The following WIF1 variants were observed in gnomAD, a reference collection of about 807,000 sequenced individuals.
WIF1 encodes Wnt inhibitory factor 1.
WIF1 carries 35 observed loss-of-function variants against 53.5 expected under a neutral mutation model. That is an observed-to-expected ratio of 0.65 (90% CI 0.50 to 0.87). The LOEUF (loss-of-function observed/expected upper bound fraction) is 0.87, where lower values mean the gene tolerates loss of function less well. WIF1 is among the 40% of genes least tolerant of loss of function. The pLI is 0.00. For missense variants in WIF1, 467 were observed against 476.8 expected (o/e 0.98, Z 0.19); for synonymous variants, 171 against 170.4 (o/e 1.00, Z -0.03).
chr12:65,076,715 G>A (rs1882866620), intron 3 of WIF1, among the ~76,000 whole-genome samples: 1 of 151,964 alleles, frequency 6.6e-6, no homozygotes, highest in African/African-American at 2.4e-5. Context: ...CCATCCATTA[G>A]TTTAAAAAAA....
Position 65,051,247 on chromosome 12 carries a change from A to C in WIF1, c.*102T>G. On this transcript the variant is annotated 3_prime_UTR_variant, in exon 10 of 10. Coordinates refer to ENST00000286574, the MANE Select transcript of WIF1 (RefSeq NM_007191.5). ...TAATGAAGCTAATAAAATTCAGGCC[A>C]GTATTCTTAAGTGTAATGAACATTA... The C allele has an allele frequency of 7.1e-7, 1 of 1,404,556 alleles. No homozygotes were observed. The allele number at this position is 1,404,556 out of a possible 1,614,324, so 87.0% of individuals were successfully genotyped here.
intron 7 of WIF1, among the ~76,000 whole-genome samples, chr12:65,061,069 A>T (rs1186897447): frequency 6.6e-6 from 1 of 152,220 alleles, no homozygotes; most frequent in Non-Finnish European, 1.5e-5. Context: ...AGTACAGGGG[A>T]AAATTGAGGG....
intron 7 of WIF1, 141 bp from the exon 8 acceptor site, chr12:65,056,267 CTTTT>C (rs370267621): frequency 8.2e-6 from 4 of 486,996 alleles, no homozygotes; most frequent in Non-Finnish European, 1.3e-5. Context: ...TCTACTCTGG[CTTTT>C]TTTTTTTGAG....
At chr12:65,052,074 T>C (rs934384936) in intron 9 of WIF1, among the ~76,000 whole-genome samples, 3 of 152,178 alleles carry the variant, frequency 2.0e-5, no homozygotes, top group African/African-American at 7.2e-5. Flanking sequence ...GGGTTGTAAA[T>C]GGAATGTGCT....
chr12:65,106,881 G>T (rs140035242), intron 2 of WIF1, among the ~76,000 whole-genome samples: 1 of 152,316 alleles, frequency 6.6e-6, no homozygotes, highest in Non-Finnish European at 1.5e-5. Flanking sequence ...GACTTCTGCC[G>T]AAATTTGAGC....
At chr12:65,055,956 G>A in intron 8 of WIF1, 75 bp downstream of exon 8, 8 of 1,347,042 alleles carry the variant, frequency 5.9e-6, no homozygotes, top group Non-Finnish European at 8.4e-6. Flanking sequence ...ACTAAGCACG[G>A]AAGTATGTAG....
intron 2 of WIF1, among the ~76,000 whole-genome samples, chr12:65,080,303 T>C (rs1257932827): frequency 6.6e-6 from 1 of 152,138 alleles, no homozygotes; most frequent in Non-Finnish European, 1.5e-5. Context: ...ATTTATAAAA[T>C]TGATTCACTA....
intron 5 of WIF1, 31 bp downstream of exon 5, chr12:65,067,664 G>A (rs572705811): frequency 1.7e-5 from 27 of 1,587,652 alleles, no homozygotes; most frequent in Non-Finnish European, 2.2e-5. Context: ...TCATTAGGAA[G>A]GGAGCAAGGG....
Position 65,077,863 on chromosome 12 carries a change from A to T in WIF1, c.289-9T>A, listed in dbSNP as rs1882888759. Reference sequence around the variant, plus strand: ...TCATAGAAGTATTCTGCCTACAACCAAAGGCACTGACAGTTAGTAACATGG... The same window carrying T: ...TCATAGAAGTATTCTGCCTACAACCTAAGGCACTGACAGTTAGTAACATGG... On this transcript the variant is annotated splice_polypyrimidine_tract_variant and intron_variant, in intron 2 of 9. Coordinates refer to ENST00000286574, the MANE Select transcript of WIF1 (RefSeq NM_007191.5). 7 of 1,601,810 alleles carry T rather than the reference A, an allele frequency of 4.4e-6. No homozygotes were observed. The highest frequency in any genetic ancestry group is 6.0e-6 in the Non-Finnish European group (7 of 1,169,560).
chr12:65,051,309 A>G lies in WIF1; in HGVS notation c.*40T>C. ...AACACATGAAAGGTTAACAAAGGCT[A>G]TGAACTTGGTGTAACTTAAAACGTT... is the stretch of plus-strand genomic sequence containing the variant. On this transcript the variant is annotated 3_prime_UTR_variant, in exon 10 of 10. Transcript: ENST00000286574. The G allele has an allele frequency of 1.3e-6, 2 of 1,595,682 alleles. No individual in the cohort carries two copies. The highest frequency in any genetic ancestry group is 1.7e-6 in the Non-Finnish European group (2 of 1,170,238).
intron 2 of WIF1, among the ~76,000 whole-genome samples, chr12:65,091,227 T>C (rs1003151607): frequency 1.3e-5 from 2 of 151,404 alleles, no homozygotes; most frequent in African/African-American, 4.8e-5. Flanking sequence ...AAACCTAGTT[T>C]CTTTAATAAA....
At position 65,085,286 on chromosome 12, in the gene WIF1, T is replaced by A. The variant is rs530709234; in HGVS notation, c.289-7432A>T. 3.3e-5 allele frequency among the ~76,000 whole-genome samples: 5 copies of A among 152,298 alleles called. No homozygotes were observed. The South Asian group carries it at 1.0e-3, about 32-fold the overall frequency. ...ATATTTGAATATATATAATAAGATATCTTGGGGATGGGACCCAAGTCTAAA... is the reference window on the plus strand; with the variant it reads ...ATATTTGAATATATATAATAAGATAACTTGGGGATGGGACCCAAGTCTAAA... On this transcript the variant is annotated intron_variant, in intron 2 of 9. Transcript: ENST00000286574.
At position 65,121,133 on chromosome 12, in the gene WIF1, C is replaced by A; in HGVS notation, c.59G>T (p.Cys20Phe). 6.5e-7 allele frequency: 1 copy of A among 1,549,830 alleles called. No homozygotes were observed. The highest frequency in any genetic ancestry group is 8.7e-7 in the Non-Finnish European group (1 of 1,146,396). ...AALWLWSILLCLLALRAEAGP... is the reference protein window; with the variant it reads ...AALWLWSILLFLLALRAEAGP... ...GGCCTCCGCCCGCAGTGCCAGCAGG[C>A]ACAGGAGGATGCTCCAGAGCCAGAG... Residue 20 changes from cysteine to phenylalanine, a missense_variant, in exon 1 of 10, where the codon TGC (cysteine) becomes TTC (phenylalanine). Cys to Phe is a radical substitution (Grantham distance 205). Transcript: ENST00000286574.
intron 2 of WIF1, chr12:65,083,769 CT>C (rs1240619368): frequency 3.7e-5 from 11 of 296,826 alleles, no homozygotes; most frequent in African/African-American, 1.4e-4. Context: ...TCCTCTTTTC[CT>C]TTTCCCTTTC....
chr12:65,094,413 T>A (rs894985058), intron 2 of WIF1, among the ~76,000 whole-genome samples: 2 of 152,212 alleles, frequency 1.3e-5, no homozygotes, highest in South Asian at 4.1e-4. Context: ...CCCAAATGCC[T>A]GGGAAGCCAT....
intron 9 of WIF1, among the ~76,000 whole-genome samples, chr12:65,053,264 A>G (rs1274015993): frequency 6.6e-6 from 1 of 152,218 alleles, no homozygotes; most frequent in Non-Finnish European, 1.5e-5. Flanking sequence ...AATTTAATCA[A>G]CCATCCAGTT....
chr12:65,056,053 G>T lies in WIF1; in HGVS notation c.900C>A (p.Tyr300Ter), dbSNP rs1706007691. 1 of 1,613,924 alleles carries T rather than the reference G, an allele frequency of 6.2e-7. No homozygotes were observed. The highest frequency in any genetic ancestry group is 1.3e-5 in the African/African-American group (1 of 74,906). Residue 300 changes from tyrosine to a stop codon, truncating the protein, a stop_gained, in exon 8 of 10, where the codon TAC becomes TAA. Coordinates refer to ENST00000286574, the MANE Select transcript of WIF1 (RefSeq NM_007191.5). LOFTEE classifies it high-confidence loss of function. ...TACGCTTTGAACAGAGGTCTCCCTG[G>T]TAACCTTTGGAACACTTACATTTGC... ...GKSKCKCSKGYQGDLCSKPVC... is the reference protein window; with the variant it reads ...GKSKCKCSKG
In WIF1 at chr12:65,056,192, T is replaced by A; in HGVS notation, c.827-66A>T. ...CTTCATTCAGAGGTAATTACATTTT[T>A]CAAAGGAATTACAAGGCTTTGAGAG... On this transcript the variant is annotated intron_variant, in intron 7 of 9. Transcript: ENST00000286574. The A allele has an allele frequency of 2.0e-6, 3 of 1,468,938 alleles. No homozygotes were observed. In the Admixed American group the frequency reaches 5.5e-5, roughly 27 times the overall value. The allele number at this position is 1,468,938 out of a possible 1,614,324, so 91.0% of individuals were successfully genotyped here. A position where few individuals can be genotyped will look rare whatever the true frequency, so the allele number is the denominator to read the frequency against.
intron 6 of WIF1, among the ~76,000 whole-genome samples, chr12:65,063,081 T>C (rs1882637643): frequency 1.3e-5 from 2 of 152,148 alleles, no homozygotes; most frequent in South Asian, 4.1e-4. Flanking sequence ...TTTTAAAAAA[T>C]ATACTTTTAT....
Sources: gnomAD v4.1 joint callset for allele counts (sites outside exome capture counted in the v4.1 genomes callset) on GRCh38, gnomAD v4.1.1 for gene constraint, MANE v1.5 for transcripts, NCBI Gene and HGNC (gene_info 2026-07-23, HGNC 2026-07-21) for gene names.